Variants in MIB1 observed in about 807,000 individuals in gnomAD.
The protein encoded by MIB1 is E3 ubiquitin-protein ligase MIB1.
In MIB1, 278 loss-of-function variants were observed where a neutral mutation model predicts 124.5. That is an observed-to-expected ratio of 2.23 (90% CI 2.02 to 2.47). The LOEUF is 2.47. Ranked by LOEUF, MIB1 falls within the 30% of genes most tolerant of loss-of-function variation. The pLI, the probability that MIB1 is intolerant of heterozygous loss-of-function variation, is 0.00. For missense variants in MIB1, 957 were observed against 1,254.4 expected (o/e 0.76, Z 3.58); for synonymous variants, 446 against 429.4 (o/e 1.04, Z -0.48).
intron 1 of MIB1, among the ~76,000 whole-genome samples, chr18:21,715,838 A>G (rs1164466720): frequency 1.3e-5 from 2 of 152,174 alleles, no homozygotes; most frequent in African/African-American, 4.8e-5. Flanking sequence ...GAAAATATGA[A>G]CAAAGCCTCT....
At chr18:21,818,751 G>A (rs1257818407) in intron 11 of MIB1, among the ~76,000 whole-genome samples, 1 of 152,004 alleles carries the variant, frequency 6.6e-6, no homozygotes, top group East Asian at 1.9e-4. Flanking sequence ...CCTGGCCAAC[G>A]TGGTGAAACC....
intron 1 of MIB1, among the ~76,000 whole-genome samples, chr18:21,730,370 C>T (rs1598582073): frequency 2.0e-5 from 3 of 152,274 alleles, no homozygotes; most frequent in Admixed American, 2.0e-4. Context: ...AGTTCAAGAC[C>T]AGCCTGGCCA....
rs369220516 is a variant in MIB1, at chr18:21,819,084, C to T, written c.1678-411C>T. Among the ~76,000 whole-genome samples the T allele has an allele frequency of 5.3e-4, 80 of 152,304 alleles. No homozygotes were observed. In the Middle Eastern group the frequency reaches 0.014, roughly 26 times the overall value. On this transcript the variant is annotated intron_variant, in intron 11 of 20. Coordinates refer to ENST00000261537, the MANE Select transcript of MIB1 (RefSeq NM_020774.4). ...ATAGAGTCTCGCTCTGTCACCCTGG[C>T]TGGAGTGCAGTGGCATGATCATAGC...
rs1383649632 is a variant in MIB1 at position 21,741,973 on chromosome 18, C to T, written c.229+161C>T. On this transcript the variant is annotated intron_variant, in intron 1 of 20. Coordinates refer to ENST00000261537, the MANE Select transcript of MIB1 (RefSeq NM_020774.4). The surrounding 1 kb of genome is among the most constrained non-coding windows in gnomAD (Gnocchi z 5.4). ...AAAGCGCCAAAGGAATTCTAGGTTC[C>T]GAACGGGTGAACAAACACTTTCAGA... Among the ~76,000 whole-genome samples, 1 of 152,186 alleles carries T rather than the reference C, an allele frequency of 6.6e-6. No homozygotes were observed. Among genetic ancestry groups the T allele is most frequent in the Non-Finnish European group, 1.5e-5 (1 of 68,028 alleles).
chr18:21,741,838 C>A lies in MIB1; in HGVS notation c.229+26C>A. 1 of 1,540,692 alleles carries A rather than the reference C, an allele frequency of 6.5e-7. No homozygotes were observed. Among genetic ancestry groups the A allele is most frequent in the Non-Finnish European group, 8.8e-7 (1 of 1,141,434 alleles). On this transcript the variant is annotated intron_variant, in intron 1 of 20. Coordinates refer to ENST00000261537, the MANE Select transcript of MIB1 (RefSeq NM_020774.4). This position sits in a 1 kb window ranked among gnomAD's most constrained non-coding sequence, Gnocchi z 5.4. ...GTAAGCCGCGGCCACCTGGCCAGGG[C>A]TTGCGCGCGCGGGGGGAAGGGGCGA...
At chr18:21,709,998 T>G (rs1292989465) in intron 1 of MIB1, among the ~76,000 whole-genome samples, 1 of 152,358 alleles carries the variant, frequency 6.6e-6, no homozygotes, top group East Asian at 1.9e-4. Context: ...GGAATTACAA[T>G]GCTACATTAA....
intron 1 of MIB1, among the ~76,000 whole-genome samples, chr18:21,743,549 T>C (rs1568183132): frequency 1.3e-5 from 2 of 152,256 alleles, no homozygotes; most frequent in South Asian, 4.1e-4. Context: ...TTGGTAGATG[T>C]TGACTAATTG....
intron 6 of MIB1, among the ~76,000 whole-genome samples, chr18:21,788,413 C>T (rs2041461783): frequency 6.6e-6 from 1 of 152,042 alleles, no homozygotes; most frequent in Admixed American, 6.5e-5. Context: ...TGACAAAATC[C>T]AACACCCTTT....
chr18:21,847,506 T>G (rs1218519799), intron 16 of MIB1, among the ~76,000 whole-genome samples: 1 of 152,232 alleles, frequency 6.6e-6, no homozygotes, highest in Non-Finnish European at 1.5e-5. Context: ...GTATTATTAT[T>G]ATTTTTTAAA....
intron 1 of MIB1, among the ~76,000 whole-genome samples, chr18:21,731,866 C>T (rs1306220199): frequency 3.3e-5 from 5 of 151,772 alleles, no homozygotes; most frequent in Non-Finnish European, 7.4e-5. Context: ...AACTTTATTT[C>T]CCAACATAAG....
chr18:21,819,492 A>C lies in MIB1; in HGVS notation c.1678-3A>C, dbSNP rs776642963. 4 of 1,582,692 alleles carry C rather than the reference A, an allele frequency of 2.5e-6. No homozygotes were observed. In the South Asian group the frequency reaches 4.6e-5, roughly 18 times the overall value. Reference sequence around the variant, plus strand: ...ACTAATGAAAATTTCTTTAAACTTAAAGGATTCTGAAGGTGATACCCCTCT... The same window carrying C: ...ACTAATGAAAATTTCTTTAAACTTACAGGATTCTGAAGGTGATACCCCTCT... On this transcript the variant is annotated splice_region_variant and splice_polypyrimidine_tract_variant and intron_variant, in intron 11 of 20. Transcript: ENST00000261537.
In MIB1 at chr18:21,765,762, G is replaced by A. The variant is rs1387007665; in HGVS notation, c.230-10G>A. On this transcript the variant is annotated splice_polypyrimidine_tract_variant and intron_variant, in intron 1 of 20. Coordinates refer to ENST00000261537, the MANE Select transcript of MIB1 (RefSeq NM_020774.4). Reference sequence around the variant, plus strand: ...GTGATTAATCTGAGCATGTGTCCTTGTTTTAATAGGCATCAAGCATGATGG... The same window carrying A: ...GTGATTAATCTGAGCATGTGTCCTTATTTTAATAGGCATCAAGCATGATGG... 1 of 1,610,982 alleles carries A rather than the reference G, an allele frequency of 6.2e-7. No homozygotes were observed. Among genetic ancestry groups the A allele is most frequent in the Non-Finnish European group, 8.5e-7 (1 of 1,178,000 alleles).
rs1002872399 is a variant in MIB1, at chr18:21,866,645, T to G, written c.*1979T>G. 2 of 152,172 alleles carry G rather than the reference T, an allele frequency of 1.3e-5. No individual in the cohort carries two copies. Among genetic ancestry groups the G allele is most frequent in the Admixed American group, 1.3e-4 (2 of 15,266 alleles). 9.4% of individuals were successfully genotyped at this position (152,172 alleles called of 1,614,324 possible). On this transcript the variant is annotated 3_prime_UTR_variant, in exon 21 of 21. Transcript: ENST00000261537. ...AATTGTGTGGTCTCCAGCTCTACTT[T>G]CCTTAAACAAATCCTTTCTGTTTTC...
chr18:21,741,935 C>A lies in MIB1; in HGVS notation c.229+123C>A. The A allele has an allele frequency of 1.2e-6, 1 of 867,560 alleles. No homozygotes were observed. The highest frequency in any genetic ancestry group is 1.7e-6 in the Non-Finnish European group (1 of 590,668). 53.7% of individuals were successfully genotyped at this position (867,560 alleles called of 1,614,324 possible). On this transcript the variant is annotated intron_variant, in intron 1 of 20. Coordinates refer to ENST00000261537, the MANE Select transcript of MIB1 (RefSeq NM_020774.4). This position sits in a 1 kb window ranked among gnomAD's most constrained non-coding sequence, Gnocchi z 5.4. ...CCTGGTGGGCAGCGCCCGGCTGGAG[C>A]GAGCGGAAAGGCAAAGCGCCAAAGG...
Position 21,840,836 on chromosome 18 carries a change from TAAAAC to T in MIB1, c.1963-2290_1963-2286del, listed in dbSNP as rs754314119. Among the ~76,000 whole-genome samples the T allele has an allele frequency of 3.3e-5, 5 of 150,788 alleles. 1 individual carries two copies. The South Asian group carries it at 6.3e-4, about 19-fold the overall frequency. ...ACAGAGCAAGACCTTGTCTTAAAAA[TAAAAC>T]AAAAAACAAACACAAAAAATTAGTA... On this transcript the variant is annotated intron_variant, in intron 13 of 20. Coordinates refer to ENST00000261537, the MANE Select transcript of MIB1 (RefSeq NM_020774.4).
At position 21,741,655 on chromosome 18, in the gene MIB1, G is replaced by A. The variant is rs965937496; in HGVS notation, c.72G>A (p.Trp24Ter). The A allele has an allele frequency of 2.5e-6, 4 of 1,610,908 alleles. No homozygotes were observed. Among genetic ancestry groups the A allele is most frequent in the African/African-American group, 1.3e-5 (1 of 74,820 alleles). Residue 24 changes from tryptophan to a stop codon, truncating the protein, a stop_gained, in exon 1 of 21, where the codon TGG becomes TGA. Transcript: ENST00000261537. LOFTEE classifies it high-confidence loss of function. The surrounding 1 kb of genome is among the most constrained non-coding windows in gnomAD (Gnocchi z 5.4). ...VGARVVRGPD[W>*]KWGKQDGGEG... Reference sequence around the variant, plus strand: ...CTCGGGTAGTGCGCGGCCCGGACTGGAAGTGGGGGAAGCAGGACGGCGGCG... The same window carrying A: ...CTCGGGTAGTGCGCGGCCCGGACTGAAAGTGGGGGAAGCAGGACGGCGGCG...
chr18:21,815,521 C>G (rs958876605), intron 10 of MIB1, 95 bp from the exon 11 acceptor site: 6 of 1,129,184 alleles, frequency 5.3e-6, no homozygotes, highest in Non-Finnish European at 7.5e-6. Flanking sequence ...ATTGCCTTTT[C>G]TCAAATTAAT....
At chr18:21,731,154 G>T (rs1374843656) in intron 1 of MIB1, among the ~76,000 whole-genome samples, 1 of 152,164 alleles carries the variant, frequency 6.6e-6, no homozygotes, top group African/African-American at 2.4e-5. Context: ...CTTCTGAATT[G>T]TACGTACCTG....
chr18:21,791,193 A>C (rs2041498650), intron 6 of MIB1, 181 bp from the exon 7 acceptor site: 3 of 459,532 alleles, frequency 6.5e-6, no homozygotes, highest in Non-Finnish European at 3.7e-6. Context: ...AAAAAAAAAA[A>C]ACAAAACAGA....
Sources: gnomAD v4.1 joint callset for allele counts (sites outside exome capture counted in the v4.1 genomes callset) on GRCh38, gnomAD v4.1.1 for gene constraint, Gnocchi (gnomAD v3.1) non-coding constraint, MANE v1.5 for transcripts, NCBI Gene and HGNC (gene_info 2026-07-23, HGNC 2026-07-21) for gene names.